Variants in NDC80 observed in about 807,000 individuals in gnomAD.
The protein encoded by NDC80 is kinetochore protein NDC80 homolog.
NDC80 carries 69 observed loss-of-function variants against 89.3 expected under a neutral mutation model. That is an observed-to-expected ratio of 0.77 (90% CI 0.64 to 0.94). The LOEUF (loss-of-function observed/expected upper bound fraction) is 0.94, where lower values mean the gene tolerates loss of function less well. Ranked by LOEUF, NDC80 falls within the 40% of genes least tolerant of loss-of-function variation. The probability of loss-of-function intolerance (pLI) is 0.00; values close to 1 mark genes in which losing one functional copy is unlikely to be tolerated. For synonymous variants in NDC80, 243 were observed against 255.6 expected, an observed-to-expected ratio of 0.95 and a Z score of 0.47; for missense variants, 593 against 739.6, an observed-to-expected ratio of 0.80 and a Z score of 2.30.
chr18:2,604,729 G>A (rs1219866267), intron 13 of NDC80, among the ~76,000 whole-genome samples: 2 of 152,138 alleles, frequency 1.3e-5, no homozygotes, highest in Admixed American at 6.5e-5. Flanking sequence ...TACCATGAGT[G>A]TAAGTGAGAT....
rs867606343 is a variant in NDC80, at chr18:2,593,044, G to C, written c.1016-2372G>C. Among the ~76,000 whole-genome samples, 630 of 117,916 alleles carry C rather than the reference G, an allele frequency of 5.3e-3. 5 individuals are homozygous for C. Among genetic ancestry groups the C allele is most frequent in the African/African-American group, 0.021 (552 of 25,720 alleles). 77.4% of individuals were successfully genotyped at this position (117,916 alleles called of 152,430 possible). ...TGTGTGTGTGTGTGTGTGTGTGTGT[G>C]TGTGTGTGTGTCTTTTTTTTTTTTT... On this transcript the variant is annotated intron_variant, in intron 10 of 16. Coordinates refer to ENST00000261597, the MANE Select transcript of NDC80 (RefSeq NM_006101.3).
chr18:2,580,889 C>T (rs139738103), intron 6 of NDC80, among the ~76,000 whole-genome samples: 8,782 of 151,508 alleles, frequency 0.058, 863 homozygotes, highest in African/African-American at 0.2. Flanking sequence ...TATAGGCACC[C>T]GCCATCACAT....
At chr18:2,572,096 T>G (rs13381300) in intron 1 of NDC80, among the ~76,000 whole-genome samples, 14,394 of 152,164 alleles carry the variant, frequency 0.095, 949 homozygotes, top group African/African-American at 0.19. Flanking sequence ...TAAGTGGAGA[T>G]TAAACGTGGA....
intron 16 of NDC80, among the ~76,000 whole-genome samples, chr18:2,612,080 T>C (rs186952902): frequency 2.0e-3 from 299 of 152,256 alleles, no homozygotes; most frequent in African/African-American, 6.8e-3. Context: ...TTCCCAATCA[T>C]AGTATACAAT....
intron 10 of NDC80, chr18:2,594,175 G>T (rs973550709): frequency 6.4e-6 from 1 of 155,308 alleles, no homozygotes; most frequent in Non-Finnish European, 1.4e-5. Flanking sequence ...GATTACAGGC[G>T]TGAGCCACCG....
At chr18:2,589,447 A>G (rs1016162604) in intron 9 of NDC80, 137 bp downstream of exon 9, 4 of 631,016 alleles carry the variant, frequency 6.3e-6, no homozygotes, top group Non-Finnish European at 8.3e-6. Flanking sequence ...TTTCACCTAG[A>G]AACTCCCAAT....
At chr18:2,577,035 A>C (rs1373794481) in intron 3 of NDC80, among the ~76,000 whole-genome samples, 2 of 152,182 alleles carry the variant, frequency 1.3e-5, no homozygotes, top group Non-Finnish European at 2.9e-5. Context: ...GAAAAATCTT[A>C]AGGTATTTTT....
At chr18:2,600,010 G>T (rs1243926455) in intron 12 of NDC80, among the ~76,000 whole-genome samples, 2 of 152,098 alleles carry the variant, frequency 1.3e-5, no homozygotes, top group African/African-American at 4.8e-5. Flanking sequence ...TCAAGCTATA[G>T]TCATTTTCAA....
In NDC80 at chr18:2,578,848, T is replaced by G. The variant is rs901491116; in HGVS notation, c.477-79T>G. Reference sequence around the variant, plus strand: ...GAGTGTGTATGTGGAATTTTTTAAATGTAACTTCTTGATTAACCATTATCT... The same window carrying G: ...GAGTGTGTATGTGGAATTTTTTAAAGGTAACTTCTTGATTAACCATTATCT... On this transcript the variant is annotated intron_variant, in intron 5 of 16. Coordinates refer to ENST00000261597, the MANE Select transcript of NDC80 (RefSeq NM_006101.3). The G allele has an allele frequency of 7.1e-6, 6 of 839,820 alleles. No individual in the cohort carries two copies. In the African/African-American group the frequency reaches 8.9e-5, roughly 13 times the overall value. The allele number at this position is 839,820 out of a possible 1,614,324, so 52.0% of individuals were successfully genotyped here.
intron 9 of NDC80, 36 bp from the exon 10 acceptor site, chr18:2,589,982 T>G: frequency 7.3e-7 from 1 of 1,365,160 alleles, no homozygotes; most frequent in South Asian, 1.6e-5. Flanking sequence ...GAATGGTTAT[T>G]AAGAATAACT....
chr18:2,606,429 A>G lies in NDC80; in HGVS notation c.1479A>G (p.Ile493Met). ...EDTLEQLNAMITESKRSVRTL... is the reference protein window; with the variant it reads ...EDTLEQLNAMMTESKRSVRTL... ...TATTTCCCCAGTTGAATGCAATGAT[A>G]ACAGAAAGCAAGAGAAGTGTGAGAA... Residue 493 changes from isoleucine (I) to methionine (M), a missense_variant, in exon 14 of 17, where the codon ATA becomes ATG. By Grantham distance (10) the Ile-to-Met change is conservative (BLOSUM62 1). Transcript: ENST00000261597. The G allele has an allele frequency of 6.2e-7, 1 of 1,602,172 alleles. No individual in the cohort carries two copies. Among genetic ancestry groups the G allele is most frequent in the African/African-American group, 1.3e-5 (1 of 74,590 alleles).
Position 2,579,007 on chromosome 18 carries a change from T to G in NDC80, c.557T>G (p.Val186Gly). Reference sequence around the variant, plus strand: ...TGGCCTCACATTGTGGCAGCCTTAGTTTGGCTAATAGACTGCATCAAGGTA... The same window carrying G: ...TGGCCTCACATTGTGGCAGCCTTAGGTTGGCTAATAGACTGCATCAAGGTA... ...HTWPHIVAAL[V>G]WLIDCIKIHT... Residue 186 changes from valine to glycine, a missense_variant, in exon 6 of 17, where the codon GTT (valine) becomes GGT (glycine). Physicochemically the swap from Val to Gly is moderately radical, Grantham distance 109. Transcript: ENST00000261597. 1 of 1,575,396 alleles carries G rather than the reference T, an allele frequency of 6.3e-7. No homozygotes were observed. The highest frequency in any genetic ancestry group is 8.6e-7 in the Non-Finnish European group (1 of 1,160,428).
At chr18:2,588,545 G>A (rs2072612867) in intron 8 of NDC80, among the ~76,000 whole-genome samples, 1 of 151,860 alleles carries the variant, frequency 6.6e-6, no homozygotes, top group Non-Finnish European at 1.5e-5. Flanking sequence ...ATGCCAAAAT[G>A]GAAGGTAAAA....
intron 11 of NDC80, among the ~76,000 whole-genome samples, chr18:2,598,746 T>C (rs1313283290): frequency 6.6e-6 from 1 of 152,210 alleles, no homozygotes; most frequent in Non-Finnish European, 1.5e-5. Flanking sequence ...TATCTAAATA[T>C]GGACTCTTAT....
In NDC80 at chr18:2,578,543, C is replaced by CA. The variant is rs1232678780; in HGVS notation, c.477-375dup. 3.2e-3 allele frequency among the ~76,000 whole-genome samples: 473 copies of CA among 148,912 alleles called. 1 individual carries two copies. Among genetic ancestry groups the CA allele is most frequent in the African/African-American group, 0.011 (441 of 40,604 alleles). Reference sequence around the variant, plus strand: ...CCACAGATTTTACAGAAGCCAAAAACAAAAAAAAACAGGATTCACGCCTGG... The same window carrying CA: ...CCACAGATTTTACAGAAGCCAAAAACAAAAAAAAAACAGGATTCACGCCTGG... On this transcript the variant is annotated intron_variant, in intron 5 of 16. Coordinates refer to ENST00000261597, the MANE Select transcript of NDC80 (RefSeq NM_006101.3).
At chr18:2,572,374 T>A (rs929315646) in intron 1 of NDC80, among the ~76,000 whole-genome samples, 3 of 152,162 alleles carry the variant, frequency 2.0e-5, no homozygotes, top group Non-Finnish European at 4.4e-5. Context: ...TTAATGTGGT[T>A]TGTAAATGGA....
chr18:2,605,901 TC>T (rs1241512794), intron 13 of NDC80, among the ~76,000 whole-genome samples: 2 of 152,142 alleles, frequency 1.3e-5, no homozygotes, highest in African/African-American at 2.4e-5. Context: ...TTTCAACTGA[TC>T]TTAAAGTTCA....
In NDC80 at chr18:2,573,010, G is replaced by C. The variant is rs752718727; in HGVS notation, c.25G>C (p.Gly9Arg). 2.5e-6 allele frequency: 4 copies of C among 1,613,894 alleles called. No individual in the cohort carries two copies. Among genetic ancestry groups the C allele is most frequent in the Non-Finnish European group, 3.4e-6 (4 of 1,179,976 alleles). ...CATGAAGCGCAGTTCAGTTTCCAGC[G>C]GTGGTGCTGGCCGCCTCTCCATGCA... MKRSSVSS[G>R]GAGRLSMQEL... The change falls in exon 2 of 17, where the codon GGT becomes CGT. Residue 9 changes from glycine (G) to arginine (R), a missense_variant. By Grantham distance (125) the Gly-to-Arg change is moderately radical (BLOSUM62 -2). Coordinates refer to ENST00000261597, the MANE Select transcript of NDC80 (RefSeq NM_006101.3).
chr18:2,607,388 T>C (rs535732504), intron 14 of NDC80, among the ~76,000 whole-genome samples: 1 of 152,270 alleles, frequency 6.6e-6, no homozygotes, highest in African/African-American at 2.4e-5. Context: ...ATCTGTGAAA[T>C]AAGGACCTAG....
Sources: gnomAD v4.1 joint callset for allele counts (sites outside exome capture counted in the v4.1 genomes callset) on GRCh38, gnomAD v4.1.1 for gene constraint, MANE v1.5 for transcripts, NCBI Gene and HGNC (gene_info 2026-07-23, HGNC 2026-07-21) for gene names.